Variants in PCID2 observed in about 807,000 individuals in gnomAD.
PCID2 encodes the protein PCI domain containing 2.
PCID2 carries 41 observed loss-of-function variants against 61.3 expected under a neutral mutation model. That is an observed-to-expected ratio of 0.67 (90% CI 0.52 to 0.87). The LOEUF (loss-of-function observed/expected upper bound fraction) is 0.87. Ranked by LOEUF, PCID2 falls within the 40% of genes least tolerant of loss-of-function variation. The probability of loss-of-function intolerance (pLI) is 0.00; values close to 1 mark genes in which losing one functional copy is unlikely to be tolerated. For synonymous variants in PCID2, 187 were observed against 177.8 expected (o/e 1.05, Z -0.41); for missense variants, 392 against 493.4 (o/e 0.79, Z 1.95).
chr13:113,171,534 G>T, the PCID2 span: 1 of 1,609,492 alleles, frequency 6.2e-7, no homozygotes, highest in South Asian at 1.1e-5. The surrounding 1 kb of genome is among the most constrained non-coding windows in gnomAD (Gnocchi z 5.1). Context: ...AAGCTCGTTT[G>T]AGCATTATGT....
rs1419584809 is a variant in PCID2, at chr13:113,208,628, G to A, written c.7C>T (p.His3Tyr). 3.7e-6 allele frequency: 6 copies of A among 1,607,878 alleles called. No homozygotes were observed. Among genetic ancestry groups the A allele is most frequent in the African/African-American group, 2.7e-5 (2 of 74,574 alleles). Reference protein sequence around the residue: MAHITINQYLQQV... With the variant: MAYITINQYLQQV... Reference sequence around the variant, plus strand: ...TGCAGGTACTGGTTAATGGTAATGTGCGCCATGGGAGCGCCGCCGAACGGA... The same window carrying A: ...TGCAGGTACTGGTTAATGGTAATGTACGCCATGGGAGCGCCGCCGAACGGA... The change falls in exon 1 of 14, where the codon CAC (histidine) becomes TAC (tyrosine). Residue 3 changes from histidine to tyrosine, a missense_variant. Coordinates refer to ENST00000337344, the MANE Select transcript of PCID2 (RefSeq NM_001127202.4).
At position 113,200,455 on chromosome 13, in the gene PCID2, T is replaced by C. The variant is rs143224205; in HGVS notation, c.98A>G (p.His33Arg). The C allele has an allele frequency of 3.1e-6, 5 of 1,612,806 alleles. No homozygotes were observed. The African/African-American group carries it at 6.7e-5, about 22-fold the overall frequency. Residue 33 changes from histidine (H) to arginine (R), a missense_variant, in exon 2 of 14, where the codon CAT becomes CGT. Physicochemically the swap from His to Arg is conservative, Grantham distance 29. This residue lies in a region of PCID2 where 155 missense variants were observed against 164.9 expected (regional missense o/e 0.94). Transcript: ENST00000337344. ...ASCAELVSFK[H>R]PHVANPRLQM... ...AAGTCGTGGGTTTGCAACATGAGGA[T>C]GTTTAAAAGACACCAACTCTGCACA...
Position 113,179,888 on chromosome 13 carries a change from G to A in PCID2, c.986+29C>T, listed in dbSNP as rs1353166035. ...GACTGCTCTGCCGAGAGCCACACTG[G>A]GAGCCCAATGTGCCGGGGAAATGCT... is the stretch of plus-strand genomic sequence containing the variant. On this transcript the variant is annotated intron_variant, in intron 12 of 13. Transcript: ENST00000337344. The surrounding 1 kb of genome is among the most constrained non-coding windows in gnomAD (Gnocchi z 4.3). 3.1e-6 allele frequency: 5 copies of A among 1,601,496 alleles called. No individual in the cohort carries two copies. Among genetic ancestry groups the A allele is most frequent in the Non-Finnish European group, 4.3e-6 (5 of 1,172,960 alleles).
At chr13:113,166,162 C>T in the PCID2 span, 4 of 152,232 alleles carry the variant, frequency 2.6e-5, no homozygotes, top group Non-Finnish European at 5.9e-5. Context: ...AATAGAAATG[C>T]AGTGTAAACC....
At chr13:113,208,344 T>G in intron 1 of PCID2, 1 of 1,431,488 alleles carries the variant, frequency 7.0e-7, no homozygotes, top group Non-Finnish European at 9.1e-7. Context: ...CCGCCGCGTC[T>G]ACTTACACCG....
In PCID2 at chr13:113,184,402, ACT is replaced by A; in HGVS notation, c.627_628del (p.Arg209SerfsTer14). The A allele has an allele frequency of 6.2e-7, 1 of 1,611,474 alleles. No homozygotes were observed. Among genetic ancestry groups the A allele is most frequent in the Non-Finnish European group, 8.5e-7 (1 of 1,177,582 alleles). Reference sequence around the variant, plus strand: ...GCGTCCAACGTAGTATTTGTATGTTACTCTCTGTGCAGTGCTGTAATCGTCTT... The same window carrying A: ...GCGTCCAACGTAGTATTTGTATGTTACTCTGTGCAGTGCTGTAATCGTCTT... On this transcript the variant is annotated frameshift_variant, in exon 9 of 14. Transcript: ENST00000337344. LOFTEE classifies it high-confidence loss of function.
chr13:113,167,787 G>T, the PCID2 span, among the ~76,000 whole-genome samples: 1 of 151,800 alleles, frequency 6.6e-6, no homozygotes, highest in African/African-American at 2.4e-5. Flanking sequence ...TACATTTATT[G>T]TAATTGTCGA....
chr13:113,183,789 A>G (rs2037856149), intron 9 of PCID2: 2 of 979,354 alleles, frequency 2.0e-6, no homozygotes, highest in African/African-American at 3.8e-5. Context: ...AAAGTTACCA[A>G]CGTAAACTAA....
At chr13:113,181,055 G>A (rs2037590767) in intron 10 of PCID2, 75 bp downstream of exon 10, 2 of 978,858 alleles carry the variant, frequency 2.0e-6, no homozygotes. Flanking sequence ...TGTCTGCTAG[G>A]TTTTAAAAAA....
intron 1 of PCID2, among the ~76,000 whole-genome samples, chr13:113,204,756 C>G (rs911761311): frequency 2.0e-5 from 3 of 152,176 alleles, no homozygotes; most frequent in African/African-American, 7.2e-5. Context: ...AGAGGAAAAG[C>G]AGGGATGGCA....
chr13:113,203,791 G>A (rs915035037), intron 1 of PCID2, among the ~76,000 whole-genome samples: 3 of 152,320 alleles, frequency 2.0e-5, no homozygotes, highest in South Asian at 2.1e-4. Flanking sequence ...GGCACACTGC[G>A]TCTTCCCCGT....
At chr13:113,165,089 G>T in the PCID2 span, 2 of 1,612,744 alleles carry the variant, frequency 1.2e-6, no homozygotes, top group Non-Finnish European at 1.7e-6. Flanking sequence ...TCTGAGAAGC[G>T]TGCACCGGAT....
the PCID2 span, among the ~76,000 whole-genome samples, chr13:113,168,443 C>CA: frequency 9.2e-5 from 14 of 152,394 alleles, no homozygotes; most frequent in African/African-American, 3.1e-4. Flanking sequence ...CCCAGGCTGG[C>CA]AGCAGTCCTC....
At chr13:113,178,816 G>C in intron 13 of PCID2, 150 bp downstream of exon 13, 1 of 648,250 alleles carries the variant, frequency 1.5e-6, no homozygotes, top group Non-Finnish European at 2.6e-6. Context: ...TAAGGCCCTG[G>C]TGAATGGTAT....
the PCID2 span, chr13:113,172,093 G>C: frequency 6.2e-7 from 1 of 1,612,774 alleles, no homozygotes; most frequent in Non-Finnish European, 8.5e-7. Context: ...GGTTTAAACA[G>C]ATCATGAACT....
rs771027041 is a variant in PCID2 at position 113,179,905 on chromosome 13, G to T, written c.986+12C>A. ...CCACACTGGGAGCCCAATGTGCCGG[G>T]GAAATGCTTACACTTTCTTAAAGAG... On this transcript the variant is annotated intron_variant, in intron 12 of 13. Coordinates refer to ENST00000337344, the MANE Select transcript of PCID2 (RefSeq NM_001127202.4). The surrounding 1 kb of genome is among the most constrained non-coding windows in gnomAD (Gnocchi z 4.3). 6.2e-7 allele frequency: 1 copy of T among 1,609,012 alleles called. No homozygotes were observed. Among genetic ancestry groups the T allele is most frequent in the Non-Finnish European group, 8.5e-7 (1 of 1,177,378 alleles).
rs778023521 is a variant in PCID2, at chr13:113,197,250, G to A, written c.201-7C>T. The A allele has an allele frequency of 6.3e-7, 1 of 1,596,396 alleles. No individual in the cohort carries two copies. Among genetic ancestry groups the A allele is most frequent in the Admixed American group, 1.7e-5 (1 of 60,010 alleles). On this transcript the variant is annotated splice_polypyrimidine_tract_variant and splice_region_variant and intron_variant, in intron 3 of 13. Transcript: ENST00000337344. ...CCCCACTGCATAAGTGCACCTGGAGGAGAAACAGAAACATGCTGTCACACA... is the reference window on the plus strand; with the variant it reads ...CCCCACTGCATAAGTGCACCTGGAGAAGAAACAGAAACATGCTGTCACACA...
In PCID2 at chr13:113,208,107, G is replaced by A. The variant is rs949759600; in HGVS notation, c.36+492C>T. On this transcript the variant is annotated intron_variant, in intron 1 of 13. Transcript: ENST00000337344. ...GCTCGGAGAGTGAAGGGCGTTAAAC[G>A]ACAGCGAGGACGAGGGGCACGAGCC... 9.3e-6 allele frequency: 15 copies of A among 1,611,260 alleles called. No individual in the cohort carries two copies. In the Admixed American group the frequency reaches 1.8e-4, roughly 20 times the overall value.
chr13:113,173,854 T>C (rs1253677711), downstream of PCID2, among the ~76,000 whole-genome samples: 1 of 152,184 alleles, frequency 6.6e-6, no homozygotes. Flanking sequence ...TTTCTGTACA[T>C]AATGCTGCAG....
Sources: allele counts gnomAD v4.1 joint callset (sites outside exome capture counted in the v4.1 genomes callset), GRCh38; gene constraint gnomAD v4.1.1; regional missense constraint gnomAD v4.1.1; non-coding constraint Gnocchi (gnomAD v3.1); transcripts MANE v1.5; gene names NCBI Gene and HGNC (gene_info 2026-07-23, HGNC 2026-07-21).